The following MAP4K4 variants were observed in gnomAD, a reference collection of about 807,000 sequenced individuals.
The protein encoded by MAP4K4 is HPK/GCK-like kinase HGK.
Under a neutral mutation model 189.6 loss-of-function variants are expected in MAP4K4, and 38 were observed. That is an observed-to-expected ratio of 0.20 (90% CI 0.15 to 0.26). MAP4K4 has a LOEUF of 0.26. Among genes scored for constraint, MAP4K4 ranks in the 10% least tolerant of loss-of-function variants. The pLI, the probability that MAP4K4 is intolerant of heterozygous loss-of-function variation, is 1.00. For synonymous variants in MAP4K4, 610 were observed against 624.3 expected, an observed-to-expected ratio of 0.98 and a Z score of 0.34; for missense variants, 1,054 against 1,726.9, an observed-to-expected ratio of 0.61 and a Z score of 6.91.
At chr2:101,789,889 G>A (rs1410636615) in intron 2 of MAP4K4, among the ~76,000 whole-genome samples, 1 of 152,036 alleles carries the variant, frequency 6.6e-6, no homozygotes, top group Admixed American at 6.6e-5. Flanking sequence ...AGTATGTCTG[G>A]TATCTAGTGA....
intron 16 of MAP4K4, among the ~76,000 whole-genome samples, chr2:101,862,605 C>T (rs138314526): frequency 4.6e-5 from 7 of 152,282 alleles, no homozygotes; most frequent in African/African-American, 1.7e-4. Context: ...CTAATTTTTG[C>T]ATTTGTTATG....
intron 3 of MAP4K4, among the ~76,000 whole-genome samples, chr2:101,795,212 T>A (rs185497961): frequency 6.6e-6 from 1 of 152,348 alleles, no homozygotes; most frequent in East Asian, 1.9e-4. Context: ...AGGGTGATAC[T>A]TTGGCACTGT....
chr2:101,743,139 A>C (rs1224281830), intron 2 of MAP4K4, among the ~76,000 whole-genome samples: 1 of 152,212 alleles, frequency 6.6e-6, no homozygotes, highest in Non-Finnish European at 1.5e-5. Context: ...AGCAGAAGGT[A>C]GGTTAACCAC....
chr2:101,823,044 T>C (rs1263888916), intron 3 of MAP4K4, among the ~76,000 whole-genome samples: 1 of 152,208 alleles, frequency 6.6e-6, no homozygotes, highest in African/African-American at 2.4e-5. Flanking sequence ...TAGTATGTCA[T>C]GTATATATAA....
At chr2:101,879,273 T>G (rs1434968727) in intron 27 of MAP4K4, among the ~76,000 whole-genome samples, 1 of 79,956 alleles carries the variant, frequency 1.3e-5, no homozygotes, top group East Asian at 2.9e-4. Flanking sequence ...TACTTTTCTG[T>G]TTTTTTTTTT....
At chr2:101,864,866 A>G in intron 17 of MAP4K4, 64 bp from the exon 18 acceptor site, 1 of 1,026,266 alleles carries the variant, frequency 9.7e-7, no homozygotes, top group Non-Finnish European at 1.5e-6. Context: ...ATATTTTGGT[A>G]GGGAAGTATT....
At chr2:101,787,416 T>C (rs372334195) in intron 2 of MAP4K4, among the ~76,000 whole-genome samples, 15 of 152,328 alleles carry the variant, frequency 9.8e-5, no homozygotes, top group African/African-American at 3.6e-4. Context: ...TCATTTTCTC[T>C]TTAAATACCC....
At chr2:101,785,834 C>T (rs12712116) in intron 2 of MAP4K4, among the ~76,000 whole-genome samples, 20,015 of 38,094 alleles carry the variant, frequency 0.53, 5,951 homozygotes, top group African/African-American at 0.76. Flanking sequence ...TTCTTTCTTT[C>T]CCTTTTTTGA....
At chr2:101,708,674 T>C (rs2043741536) in intron 2 of MAP4K4, among the ~76,000 whole-genome samples, 3 of 152,314 alleles carry the variant, frequency 2.0e-5, no homozygotes, top group Middle Eastern at 6.8e-3. Context: ...TTCAGTGATA[T>C]TTAGTAAATT....
At chr2:101,844,969 G>T (rs892800128) in intron 12 of MAP4K4, among the ~76,000 whole-genome samples, 1 of 151,966 alleles carries the variant, frequency 6.6e-6, no homozygotes. Context: ...TGGACATAGA[G>T]GCGGAAACAC....
At chr2:101,712,188 ATTAT>A (rs943994741) in intron 2 of MAP4K4, among the ~76,000 whole-genome samples, 5 of 151,440 alleles carry the variant, frequency 3.3e-5, no homozygotes, top group South Asian at 2.1e-4. Context: ...ACTTTTATTT[ATTAT>A]TTATTTATTT....
At chr2:101,869,880 A>T in intron 22 of MAP4K4, 83 bp downstream of exon 22, 1 of 1,445,286 alleles carries the variant, frequency 6.9e-7, no homozygotes, top group Non-Finnish European at 9.1e-7. Flanking sequence ...TTCCTAGACT[A>T]TTCCGTGACC....
At chr2:101,870,006 C>G in intron 22 of MAP4K4, 1 of 669,848 alleles carries the variant, frequency 1.5e-6, no homozygotes, top group Non-Finnish European at 2.4e-6. Flanking sequence ...CCAGCGTGTA[C>G]TTTATTTTTT....
intron 2 of MAP4K4, among the ~76,000 whole-genome samples, chr2:101,712,508 A>ATT (rs888185289): frequency 7.2e-6 from 1 of 139,212 alleles, no homozygotes; most frequent in African/African-American, 2.7e-5. Flanking sequence ...TTTTTATTTT[A>ATT]TTTTTTTTTG....
chr2:101,887,768 T>C lies in MAP4K4; in HGVS notation c.3772-10T>C. On this transcript the variant is annotated splice_polypyrimidine_tract_variant and intron_variant, in intron 30 of 32. Coordinates refer to ENST00000324219, the Ensembl canonical transcript of MAP4K4. ...GACGTTCTTCCCTGTACTTTGTTCC[T>C]GTTCTCTAGATCCAGTGTAGCATCA... 6.2e-7 allele frequency: 1 copy of C among 1,600,666 alleles called. No individual in the cohort carries two copies. Among genetic ancestry groups the C allele is most frequent in the African/African-American group, 1.3e-5 (1 of 74,682 alleles).
At chr2:101,773,744 C>T (rs979412651) in intron 2 of MAP4K4, among the ~76,000 whole-genome samples, 3 of 152,164 alleles carry the variant, frequency 2.0e-5, no homozygotes, top group Admixed American at 6.5e-5. Context: ...ACCACACTTA[C>T]CTTCCCAGCC....
intron 9 of MAP4K4, among the ~76,000 whole-genome samples, chr2:101,837,829 C>G (rs1208664440): frequency 6.6e-6 from 1 of 152,174 alleles, no homozygotes; most frequent in African/African-American, 2.4e-5. Context: ...ACCACTGTGT[C>G]CAACATATAG....
chr2:101,891,470 A>C (rs2098566618), exon 33 of MAP4K4: 2 of 489,904 alleles, frequency 4.1e-6, no homozygotes, highest in East Asian at 7.0e-5. Flanking sequence ...TCAAGGCTGC[A>C]ATGCAGCTGG....
chr2:101,767,719 C>T (rs1051593902), intron 2 of MAP4K4, among the ~76,000 whole-genome samples: 5 of 152,194 alleles, frequency 3.3e-5, no homozygotes, highest in Non-Finnish European at 7.4e-5. Context: ...CTGATCTCCT[C>T]GCAGAGAGAG....
Sources: allele counts gnomAD v4.1 joint callset (sites outside exome capture counted in the v4.1 genomes callset), GRCh38; gene constraint gnomAD v4.1.1; transcripts MANE v1.5; gene names NCBI Gene and HGNC (gene_info 2026-07-23, HGNC 2026-07-21).